The following FAM184B variants were observed in gnomAD, a reference collection of about 807,000 sequenced individuals.
FAM184B encodes the protein family with sequence similarity 184 member B, also known as protein FAM184B.
FAM184B carries 111 observed loss-of-function variants against 135.9 expected under a neutral mutation model. The ratio of observed to expected loss-of-function variants is 0.82; its 90% CI spans 0.70 to 0.96. The LOEUF (loss-of-function observed/expected upper bound fraction) is 0.96. Among genes scored for constraint, FAM184B ranks in the 40% least tolerant of loss-of-function variants. The pLI is 0.00. For missense variants in FAM184B, 1,375 were observed against 1,323.9 expected (o/e 1.04, Z -0.60); for synonymous variants, 552 against 524.8 (o/e 1.05, Z -0.71).
At position 17,630,410 on chromosome 4, in the gene FAM184B, G is replaced by A. The variant is rs1361389187; in HGVS notation, c.*2122C>T. The A allele has an allele frequency of 6.6e-6, 1 of 152,196 alleles. No individual in the cohort carries two copies. The highest frequency in any genetic ancestry group is 2.4e-5 in the African/African-American group (1 of 41,460). The allele number at this position is 152,196 out of a possible 1,614,324, so 9.4% of individuals were successfully genotyped here. A position where few individuals can be genotyped will look rare whatever the true frequency, so the allele number is the denominator to read the frequency against. On this transcript the variant is annotated 3_prime_UTR_variant, in exon 18 of 18. Transcript: ENST00000265018. ...AGTACCCTTACAAAAGAGGCTCAGG[G>A]AGGCGCTCTTGCCTCTTCCACCATG...
chr4:17,711,344 G>C (rs745328498), intron 1 of FAM184B, among the ~76,000 whole-genome samples: 3 of 151,962 alleles, frequency 2.0e-5, no homozygotes, highest in Non-Finnish European at 4.4e-5. Flanking sequence ...CCGGGCGTGG[G>C]GTGGGTGCCT....
chr4:17,711,640 G>C (rs950309081), intron 1 of FAM184B, among the ~76,000 whole-genome samples: 7 of 152,144 alleles, frequency 4.6e-5, no homozygotes, highest in African/African-American at 1.7e-4. Flanking sequence ...TCCAGCCTGG[G>C]TGACAGAGTG....
At chr4:17,691,967 C>T (rs1716746113) in intron 6 of FAM184B, among the ~76,000 whole-genome samples, 1 of 149,348 alleles carries the variant, frequency 6.7e-6, no homozygotes, top group African/African-American at 2.5e-5. Context: ...ACAGGAGAAT[C>T]GCTTGAACCC....
intron 1 of FAM184B, among the ~76,000 whole-genome samples, chr4:17,753,060 T>C (rs1553842903): frequency 6.6e-6 from 1 of 152,232 alleles, no homozygotes; most frequent in Non-Finnish European, 1.5e-5. Flanking sequence ...TTTTGATTCC[T>C]CTTTGCCTAA....
In FAM184B at chr4:17,688,425, T is replaced by C; in HGVS notation, c.1595A>G (p.Gln532Arg). Residue 532 changes from glutamine (Q) to arginine (R), a missense_variant and splice_region_variant, in exon 7 of 18, where the codon CAG becomes CGG. By Grantham distance (43) the Gln-to-Arg change is conservative. Transcript: ENST00000265018. Reference sequence around the variant, plus strand: ...AAATCTGACAAAGCTGGAGGTTACCTGGGTCTCCAGAATGCTGCAGTGCTG... The same window carrying C: ...AAATCTGACAAAGCTGGAGGTTACCCGGGTCTCCAGAATGCTGCAGTGCTG... ...GRQHCSILET[Q>R]DPCLKLDETS... 6.5e-7 allele frequency: 1 copy of C among 1,546,466 alleles called. No individual in the cohort carries two copies. Among genetic ancestry groups the C allele is most frequent in the East Asian group, 2.4e-5 (1 of 40,868 alleles).
chr4:17,693,521 C>A, intron 5 of FAM184B, 109 bp from the exon 6 acceptor site: 1 of 768,604 alleles, frequency 1.3e-6, no homozygotes, highest in Non-Finnish European at 2.1e-6. Context: ...GAGTGTCATA[C>A]AACACTGCAA....
At chr4:17,756,008 C>T (rs1467364259) in intron 1 of FAM184B, among the ~76,000 whole-genome samples, 5 of 152,128 alleles carry the variant, frequency 3.3e-5, no homozygotes. Flanking sequence ...CACCATGGCA[C>T]ATGTTTACCT....
At chr4:17,663,327 C>T (rs1715962127) in intron 8 of FAM184B, among the ~76,000 whole-genome samples, 1 of 152,150 alleles carries the variant, frequency 6.6e-6, no homozygotes, top group Non-Finnish European at 1.5e-5. Flanking sequence ...TGCCCTCTCT[C>T]ACTCCTGTTC....
rs1560164536 is a variant in FAM184B at position 17,639,534 on chromosome 4, G to A, written c.2520-138C>T. ...AAATTGTGATCTAAGGACACCTGTG[G>A]GAAGAAGAGCTGAAGTCTCTTGAGT... On this transcript the variant is annotated intron_variant, in intron 13 of 17. Transcript: ENST00000265018. The A allele has an allele frequency of 2.8e-6, 3 of 1,054,136 alleles. 1 individual carries two copies. In the East Asian group the frequency reaches 7.8e-5, roughly 27 times the overall value. 65.3% of individuals were successfully genotyped at this position (1,054,136 alleles called of 1,614,324 possible).
At chr4:17,637,200 T>A (rs1467584926) in intron 14 of FAM184B, among the ~76,000 whole-genome samples, 1 of 152,174 alleles carries the variant, frequency 6.6e-6, no homozygotes, top group African/African-American at 2.4e-5. Flanking sequence ...GGGAAATTTT[T>A]GTATTTTTAG....
At chr4:17,737,349 A>G (rs1717936820) in intron 1 of FAM184B, among the ~76,000 whole-genome samples, 1 of 152,010 alleles carries the variant, frequency 6.6e-6, no homozygotes, top group African/African-American at 2.4e-5. Flanking sequence ...AGCCTGTTCC[A>G]TGATTTTCAG....
intron 14 of FAM184B, among the ~76,000 whole-genome samples, chr4:17,637,046 AGACG>A (rs1715163728): frequency 6.6e-6 from 1 of 151,368 alleles, no homozygotes; most frequent in African/African-American, 2.4e-5. Context: ...TCTTTTTTGG[AGACG>A]GAGTCTCCCT....
At chr4:17,645,994 G>A (rs2108933286) in intron 12 of FAM184B, among the ~76,000 whole-genome samples, 1 of 152,240 alleles carries the variant, frequency 6.6e-6, no homozygotes, top group South Asian at 2.1e-4. Flanking sequence ...ATCATCACTG[G>A]CCATCAGAGA....
intron 1 of FAM184B, among the ~76,000 whole-genome samples, chr4:17,738,690 C>T (rs970500887): frequency 1.1e-4 from 17 of 152,216 alleles, no homozygotes; most frequent in African/African-American, 4.1e-4. Context: ...AGTTTGGATG[C>T]TTGTCCCCTC....
chr4:17,652,090 T>G (rs944551484), intron 11 of FAM184B, among the ~76,000 whole-genome samples: 1 of 151,920 alleles, frequency 6.6e-6, no homozygotes, highest in African/African-American at 2.4e-5. Context: ...CTACATTCAC[T>G]GGGCTCCTGT....
intron 1 of FAM184B, among the ~76,000 whole-genome samples, chr4:17,746,472 T>TA (rs1718167161): frequency 6.6e-6 from 1 of 151,876 alleles, no homozygotes; most frequent in South Asian, 2.1e-4. Context: ...GGCTCATGCC[T>TA]GTGATCCCAG....
chr4:17,669,163 G>C (rs1187853892), intron 7 of FAM184B, among the ~76,000 whole-genome samples: 3 of 152,144 alleles, frequency 2.0e-5, no homozygotes, highest in Non-Finnish European at 2.9e-5. Context: ...AGTGAGGTTG[G>C]TTCATTGTTG....
intron 1 of FAM184B, among the ~76,000 whole-genome samples, chr4:17,727,713 A>G (rs1254344043): frequency 6.6e-6 from 1 of 152,162 alleles, no homozygotes; most frequent in African/African-American, 2.4e-5. Flanking sequence ...CAGCATGGGA[A>G]AGACCACCCC....
Position 17,688,495 on chromosome 4 carries a change from T to A in FAM184B, c.1525A>T (p.Thr509Ser). The A allele has an allele frequency of 6.4e-7, 1 of 1,550,956 alleles. No individual in the cohort carries two copies. The change falls in exon 7 of 18, where the codon ACA becomes TCA. Residue 509 changes from threonine (T) to serine (S), a missense_variant. Transcript: ENST00000265018. ...CTTTCCTCAGCTCCTGTGGGGCGTG[T>A]CTTATTTTGTTGGATAAATTCTTCC... Reference protein sequence around the residue: ...RLEEFIQQNKTRPTGAEESPQ... With the variant: ...RLEEFIQQNKSRPTGAEESPQ...
Sources: allele counts gnomAD v4.1 joint callset (sites outside exome capture counted in the v4.1 genomes callset), GRCh38; gene constraint gnomAD v4.1.1; transcripts MANE v1.5; gene names NCBI Gene and HGNC (gene_info 2026-07-23, HGNC 2026-07-21).